Variants in SPATA9 observed in about 807,000 individuals in gnomAD.
SPATA9 encodes the protein spermatogenesis-associated protein 9.
SPATA9 carries 27 observed loss-of-function variants against 25.5 expected under a neutral mutation model. The observed-to-expected ratio is 1.06, with a 90% CI of 0.78 to 1.46. The LOEUF (loss-of-function observed/expected upper bound fraction) is 1.46, where lower values mean the gene tolerates loss of function less well. SPATA9 is among the 40% of genes most tolerant of loss of function. The pLI, the probability that SPATA9 is intolerant of heterozygous loss-of-function variation, is 0.00. For synonymous variants in SPATA9, 102 were observed against 105.7 expected (o/e 0.97, Z 0.21); for missense variants, 282 against 297.5 (o/e 0.95, Z 0.38).
At position 95,658,727 on chromosome 5, in the gene SPATA9, C is replaced by T; in HGVS notation, c.661G>A (p.Asp221Asn). Residue 221 changes from aspartate to asparagine, a missense_variant, in exon 5 of 5, where the codon GAC (aspartate) becomes AAC (asparagine). Coordinates refer to ENST00000274432, the MANE Select transcript of SPATA9 (RefSeq NM_031952.4). ...AGAAGCTTGGGGTAATCTGAAATGT[C>T]TGGCTTCTCCGGCAATGACCTATAA... is the stretch of plus-strand genomic sequence containing the variant. ...KPYRSLPEKPDISDYPKLLAN... is the reference protein window; with the variant it reads ...KPYRSLPEKPNISDYPKLLAN... The T allele has an allele frequency of 1.2e-6, 2 of 1,613,838 alleles. No homozygotes were observed. The highest frequency in any genetic ancestry group is 1.7e-6 in the Non-Finnish European group (2 of 1,179,906).
At chr5:95,673,117 C>T (rs1752564551) in intron 3 of SPATA9, among the ~76,000 whole-genome samples, 1 of 152,138 alleles carries the variant, frequency 6.6e-6, no homozygotes, top group Non-Finnish European at 1.5e-5. Context: ...CTCTCTGTCT[C>T]TCCATCTGTA....
chr5:95,696,601 G>A (rs1213526697), intron 1 of SPATA9, among the ~76,000 whole-genome samples: 2 of 152,204 alleles, frequency 1.3e-5, no homozygotes, highest in African/African-American at 4.8e-5. Context: ...TGATGCCTTG[G>A]CACGGTGGCT....
chr5:95,712,594 G>A, the SPATA9 span, among the ~76,000 whole-genome samples: 16 of 152,156 alleles, frequency 1.1e-4, no homozygotes, highest in Non-Finnish European at 2.1e-4. Context: ...CTAGCCAACC[G>A]CAAGCATCAA....
In SPATA9 at chr5:95,691,215, C is replaced by CA. The variant is rs35098619; in HGVS notation, n.124+7372dup. ...TGGGCGACAGAGCAAGACTCCGTCT[C>CA]AAAAAAAAAAAAAAATTCATTTATT... On this transcript the variant is annotated intron_variant and non_coding_transcript_variant, in intron 1 of 2. Coordinates refer to the SPATA9 transcript ENST00000379990. Among the ~76,000 whole-genome samples, 1,118 of 139,076 alleles carry CA rather than the reference C, an allele frequency of 8.0e-3. 14 individuals are homozygous for CA. Among genetic ancestry groups the CA allele is most frequent in the South Asian group, 0.018 (81 of 4,406 alleles). 91.2% of individuals were successfully genotyped at this position (139,076 alleles called of 152,430 possible). A position where few individuals can be genotyped will look rare whatever the true frequency, so the allele number is the denominator to read the frequency against.
At chr5:95,705,905 T>C in the SPATA9 span, among the ~76,000 whole-genome samples, 4 of 152,246 alleles carry the variant, frequency 2.6e-5, no homozygotes, top group Non-Finnish European at 5.9e-5. Flanking sequence ...ATTTTCTTTT[T>C]TGATATTCCA....
At chr5:95,669,312 A>G (rs1752127450) in intron 3 of SPATA9, among the ~76,000 whole-genome samples, 1 of 152,200 alleles carries the variant, frequency 6.6e-6, no homozygotes, top group Non-Finnish European at 1.5e-5. Flanking sequence ...AGATTATACC[A>G]GCCAAGTTAG....
rs755364476 is a variant in SPATA9 at position 95,658,637 on chromosome 5, T to G, written c.751A>C (p.Asn251His). The change falls in exon 5 of 5, where the codon AAT becomes CAT. Residue 251 changes from asparagine to histidine, a missense_variant. Coordinates refer to ENST00000274432, the MANE Select transcript of SPATA9 (RefSeq NM_031952.4). ...GATACCTGTATTCAGATTTGCTCAT[T>G]CATTTCAGCTGATTGGTCAAACACA... ...HSVFDQSAEM[N>H]EQI is the part of the protein sequence containing the mutation. 1.2e-6 allele frequency: 2 copies of G among 1,612,796 alleles called. No individual in the cohort carries two copies. Among genetic ancestry groups the G allele is most frequent in the South Asian group, 2.2e-5 (2 of 90,924 alleles).
chr5:95,700,304 T>A (rs563452899), upstream of SPATA9, among the ~76,000 whole-genome samples: 72 of 149,400 alleles, frequency 4.8e-4, no homozygotes, highest in East Asian at 0.012. Flanking sequence ...TTAAAAAAAA[T>A]TTTTTTTTTT....
At chr5:95,705,001 A>G in the SPATA9 span, among the ~76,000 whole-genome samples, 22 of 151,686 alleles carry the variant, frequency 1.5e-4, no homozygotes, top group Non-Finnish European at 3.2e-4. Context: ...CTGGAGTGCA[A>G]TGGCAAGATC....
At chr5:95,714,928 A>G in the SPATA9 span, among the ~76,000 whole-genome samples, 3 of 152,202 alleles carry the variant, frequency 2.0e-5, no homozygotes, top group Non-Finnish European at 4.4e-5. Context: ...TATGTTCATA[A>G]ATTGGAAAAC....
chr5:95,669,057 G>A (rs1467694434), intron 3 of SPATA9, among the ~76,000 whole-genome samples: 3 of 152,200 alleles, frequency 2.0e-5, no homozygotes, highest in Non-Finnish European at 4.4e-5. Context: ...CTGCACAAAT[G>A]TGTCTTTACT....
the SPATA9 span, among the ~76,000 whole-genome samples, chr5:95,711,974 G>A: frequency 6.6e-6 from 1 of 152,154 alleles, no homozygotes; most frequent in Non-Finnish European, 1.5e-5. Context: ...AGAGTGTCCG[G>A]AGCTTGCCTT....
chr5:95,731,699 C>T, the SPATA9 span: 1 of 1,613,180 alleles, frequency 6.2e-7, no homozygotes, highest in African/African-American at 1.3e-5. Flanking sequence ...GTACGCGCCG[C>T]CGTCCTGCCA....
chr5:95,682,482 GAATAT>G, intron 2 of SPATA9, 41 bp downstream of exon 2: 1 of 1,297,850 alleles, frequency 7.7e-7, no homozygotes, highest in Non-Finnish European at 1.1e-6. Context: ...ACTAAAAATA[GAATAT>G]ATTTTTTCTA....
At position 95,692,256 on chromosome 5, in the gene SPATA9, A is replaced by G. The variant is rs1329213737; in HGVS notation, n.124+6332T>C. Among the ~76,000 whole-genome samples, 3 of 152,150 alleles carry G rather than the reference A, an allele frequency of 2.0e-5. No individual in the cohort carries two copies. The East Asian group carries it at 5.8e-4, about 29-fold the overall frequency. On this transcript the variant is annotated intron_variant and non_coding_transcript_variant, in intron 1 of 2. Transcript: ENST00000379990. ...AATTTCTTTTTCTTTCTTAAAAACG[A>G]GGCATAATTTACATATTTTTTTAAA... is the stretch of plus-strand genomic sequence containing the variant.
chr5:95,699,188 G>T (rs1426179521), upstream of SPATA9, among the ~76,000 whole-genome samples: 2 of 152,232 alleles, frequency 1.3e-5, no homozygotes, highest in African/African-American at 4.8e-5. Context: ...CATAATGATT[G>T]TAACCAGGCT....
the SPATA9 span, chr5:95,731,049 G>A: frequency 1.7e-5 from 18 of 1,032,422 alleles, no homozygotes; most frequent in African/African-American, 2.9e-4. Context: ...CTCTGGTTAC[G>A]GCCTTGCGAG....
At chr5:95,682,643 G>T (rs1753565547) in intron 1 of SPATA9, 27 bp from the exon 2 acceptor site, 1 of 1,564,774 alleles carries the variant, frequency 6.4e-7, no homozygotes, top group Non-Finnish European at 8.7e-7. Flanking sequence ...TTAGGAAAAA[G>T]AAAACTTTGA....
At chr5:95,727,080 A>C in the SPATA9 span, among the ~76,000 whole-genome samples, 1 of 152,148 alleles carries the variant, frequency 6.6e-6, no homozygotes, top group Non-Finnish European at 1.5e-5. Context: ...AGTCTTAAAA[A>C]TTGCGTTTGT....
Sources: allele counts gnomAD v4.1 joint callset (sites outside exome capture counted in the v4.1 genomes callset), GRCh38; gene constraint gnomAD v4.1.1; transcripts MANE v1.5; gene names NCBI Gene and HGNC (gene_info 2026-07-23, HGNC 2026-07-21).